FCHO2: variants seen among roughly 807,000 people sequenced by gnomAD.
The protein encoded by FCHO2 is F-BAR domain only protein 2.
In FCHO2, 43 loss-of-function variants were observed where a neutral mutation model predicts 114.1. The ratio of observed to expected loss-of-function variants is 0.38; its 90% CI spans 0.30 to 0.49. The LOEUF is 0.49. Ranked by LOEUF, FCHO2 falls within the 20% of genes least tolerant of loss-of-function variation. The pLI, the probability that FCHO2 is intolerant of heterozygous loss-of-function variation, is 0.97. For missense variants in FCHO2, 807 were observed against 950.4 expected, an observed-to-expected ratio of 0.85 and a Z score of 1.98; for synonymous variants, 293 against 315.2, an observed-to-expected ratio of 0.93 and a Z score of 0.75.
intron 9 of FCHO2, among the ~76,000 whole-genome samples, chr5:73,035,049 G>C (rs1756429450): frequency 6.6e-6 from 1 of 152,060 alleles, no homozygotes; most frequent in Non-Finnish European, 1.5e-5. Context: ...GCCATATTCA[G>C]GAATATGAAA....
intron 8 of FCHO2, among the ~76,000 whole-genome samples, chr5:73,020,156 G>C (rs1293621755): frequency 6.6e-6 from 1 of 152,190 alleles, no homozygotes; most frequent in East Asian, 1.9e-4. Flanking sequence ...TGTCAAGTCA[G>C]GAATACATAG....
At chr5:73,077,621 G>C (rs1352574300) in intron 21 of FCHO2, 128 bp downstream of exon 21, 3 of 1,044,390 alleles carry the variant, frequency 2.9e-6, no homozygotes, top group Non-Finnish European at 3.9e-6. Context: ...CTTGAGCCCA[G>C]TTGTTCAAAA....
chr5:73,045,099 C>T (rs1756994771), intron 11 of FCHO2, among the ~76,000 whole-genome samples: 1 of 152,158 alleles, frequency 6.6e-6, no homozygotes, highest in African/African-American at 2.4e-5. Flanking sequence ...GTGTATGTAA[C>T]AGTACTGTGT....
At chr5:73,018,336 G>A (rs746811269) in intron 8 of FCHO2, among the ~76,000 whole-genome samples, 20 of 152,018 alleles carry the variant, frequency 1.3e-4, no homozygotes, top group East Asian at 5.8e-4. Context: ...TACAGCAGAC[G>A]TTTCTTCTCC....
intron 6 of FCHO2, among the ~76,000 whole-genome samples, chr5:73,007,208 G>A (rs1459345155): frequency 6.6e-6 from 1 of 152,178 alleles, no homozygotes; most frequent in Non-Finnish European, 1.5e-5. Flanking sequence ...AGAAATCTCA[G>A]TGGCTTACAA....
At chr5:73,020,391 G>A (rs1438340158) in intron 8 of FCHO2, among the ~76,000 whole-genome samples, 2 of 152,166 alleles carry the variant, frequency 1.3e-5, no homozygotes, top group Admixed American at 6.5e-5. Context: ...GCATGATTCC[G>A]TCTCTCACTT....
At chr5:72,997,446 T>C (rs1437290556) in intron 5 of FCHO2, 1 of 1,598,064 alleles carries the variant, frequency 6.3e-7, no homozygotes, top group Non-Finnish European at 8.6e-7. Context: ...CACAGTGACC[T>C]CTCCAGCATT....
chr5:72,988,877 A>G (rs1753678373), intron 2 of FCHO2, among the ~76,000 whole-genome samples: 1 of 152,250 alleles, frequency 6.6e-6, no homozygotes, highest in South Asian at 2.1e-4. Context: ...TCAGATAAGC[A>G]TTGGTACTAA....
At chr5:73,003,399 A>G (rs1392342270) in intron 5 of FCHO2, among the ~76,000 whole-genome samples, 1 of 151,156 alleles carries the variant, frequency 6.6e-6, no homozygotes, top group Admixed American at 6.6e-5. Context: ...CTGGTCTTGA[A>G]CTCCTAGCCT....
intron 1 of FCHO2, among the ~76,000 whole-genome samples, 151 bp downstream of exon 1, chr5:72,956,280 C>G (rs1751530748): frequency 6.6e-6 from 1 of 150,706 alleles, no homozygotes; most frequent in African/African-American, 2.4e-5. Flanking sequence ...GTCCGGCGGG[C>G]GACCGGTCGC....
At chr5:73,064,134 A>T (rs1757961944) in intron 18 of FCHO2, among the ~76,000 whole-genome samples, 190 bp downstream of exon 18, 1 of 152,078 alleles carries the variant, frequency 6.6e-6, no homozygotes, top group African/African-American at 2.4e-5. Context: ...CCTGTGAGAC[A>T]CGACATTGTC....
intron 1 of FCHO2, among the ~76,000 whole-genome samples, chr5:72,964,239 A>G (rs1308709116): frequency 6.6e-6 from 1 of 152,156 alleles, no homozygotes; most frequent in East Asian, 1.9e-4. Context: ...TATAATATAA[A>G]AGATTAGGGA....
chr5:73,069,679 G>T (rs1362922451), intron 19 of FCHO2, among the ~76,000 whole-genome samples: 1 of 151,400 alleles, frequency 6.6e-6, no homozygotes, highest in East Asian at 2.0e-4. Context: ...TCCTCCTTCT[G>T]TGCAGCTGGG....
At chr5:72,973,180 C>G (rs1173170709) in intron 2 of FCHO2, among the ~76,000 whole-genome samples, 3 of 152,166 alleles carry the variant, frequency 2.0e-5, no homozygotes, top group Non-Finnish European at 2.9e-5. Flanking sequence ...GGTTGTGTCT[C>G]TGCCCAGCTT....
intron 11 of FCHO2, among the ~76,000 whole-genome samples, chr5:73,044,007 C>T (rs867805917): frequency 6.6e-6 from 1 of 152,144 alleles, no homozygotes; most frequent in Non-Finnish European, 1.5e-5. Context: ...AGATCTCCCC[C>T]TCGCTGTTCT....
At chr5:73,014,797 C>T (rs994310335) in intron 6 of FCHO2, among the ~76,000 whole-genome samples, 4 of 151,588 alleles carry the variant, frequency 2.6e-5, no homozygotes, top group South Asian at 2.1e-4. Flanking sequence ...GCTCCAAATT[C>T]GGCTGGGTGC....
chr5:73,005,804 A>G (rs556682536), intron 5 of FCHO2, among the ~76,000 whole-genome samples: 1 of 152,278 alleles, frequency 6.6e-6, no homozygotes, highest in African/African-American at 2.4e-5. Flanking sequence ...TTTTAATTAA[A>G]TAAGTAACTT....
intron 5 of FCHO2, among the ~76,000 whole-genome samples, chr5:72,996,646 G>A (rs1169274415): frequency 1.3e-5 from 2 of 148,520 alleles, no homozygotes; most frequent in Non-Finnish European, 3.0e-5. Flanking sequence ...GTCTCGGCCC[G>A]CAACTTCCCC....
chr5:73,039,943 GAA>G (rs1187248259), intron 10 of FCHO2, among the ~76,000 whole-genome samples: 69 of 117,782 alleles, frequency 5.9e-4, no homozygotes, highest in African/African-American at 1.9e-3. Flanking sequence ...GAGAAAAAAA[GAA>G]AAAAAAAAAA....
Sources: gnomAD v4.1 joint callset for allele counts (sites outside exome capture counted in the v4.1 genomes callset) on GRCh38, gnomAD v4.1.1 for gene constraint, MANE v1.5 for transcripts, NCBI Gene and HGNC (gene_info 2026-07-23, HGNC 2026-07-21) for gene names.